ATXN7L1: variants seen among roughly 807,000 people sequenced by gnomAD.
The protein encoded by ATXN7L1 is ataxin-7-like protein 1.
A neutral mutation model predicts 70.8 loss-of-function variants in ATXN7L1; 15 were observed. The observed-to-expected ratio is 0.21, with a 90% CI of 0.14 to 0.33. ATXN7L1 has a LOEUF of 0.33. ATXN7L1 is among the 10% of genes least tolerant of loss of function. The pLI is 1.00. For missense variants in ATXN7L1, 975 were observed against 1,097.1 expected (o/e 0.89, Z 1.57); for synonymous variants, 440 against 445.1 (o/e 0.99, Z 0.14).
chr7:105,679,087 G>C, intron 3 of ATXN7L1: 9 of 986,086 alleles, frequency 9.1e-6, no homozygotes, highest in Non-Finnish European at 1.1e-5. Context: ...TTTGGATAAG[G>C]AGGCTGACAC....
At chr7:105,817,098 C>T (rs1809314328) in intron 2 of ATXN7L1, among the ~76,000 whole-genome samples, 1 of 152,180 alleles carries the variant, frequency 6.6e-6, no homozygotes, top group South Asian at 2.1e-4. Context: ...ATTTCCAAGG[C>T]CTGGGAGCAG....
At position 105,686,210 on chromosome 7, in the gene ATXN7L1, T is replaced by C. The variant is rs959051736; in HGVS notation, c.356-20922A>G. The stretch of plus-strand genomic sequence containing the variant: ...ATAAACCCATCATAAATTGAAAATA[T>C]CGTAAGTCAAAAATGCATTTAAGGG... On this transcript the variant is annotated intron_variant, in intron 3 of 11. Transcript: ENST00000419735. Among the ~76,000 whole-genome samples, 10 of 151,918 alleles carry C rather than the reference T, an allele frequency of 6.6e-5. 1 individual carries two copies. The highest frequency in any genetic ancestry group is 4.2e-4 in the South Asian group (2 of 4,812).
At chr7:105,645,924 T>G (rs780617146) in intron 4 of ATXN7L1, among the ~76,000 whole-genome samples, 3 of 151,172 alleles carry the variant, frequency 2.0e-5, no homozygotes, top group Non-Finnish European at 4.4e-5. Flanking sequence ...GGAGAATCAC[T>G]TGAACCCAGG....
intron 3 of ATXN7L1, among the ~76,000 whole-genome samples, chr7:105,787,868 G>T (rs899490736): frequency 6.6e-6 from 1 of 152,180 alleles, no homozygotes; most frequent in Non-Finnish European, 1.5e-5. Flanking sequence ...TACAGCTTTG[G>T]AAATTGTCTA....
chr7:105,656,617 C>A (rs1800686315), intron 4 of ATXN7L1, among the ~76,000 whole-genome samples: 1 of 151,560 alleles, frequency 6.6e-6, no homozygotes, highest in Admixed American at 6.6e-5. Context: ...GTCACCCACA[C>A]TGGAGTGCAG....
chr7:105,796,749 T>C (rs1483541992), intron 2 of ATXN7L1, among the ~76,000 whole-genome samples: 1 of 152,250 alleles, frequency 6.6e-6, no homozygotes, highest in African/African-American at 2.4e-5. Context: ...GAGTTTTCAG[T>C]TGCATTTTAA....
intron 3 of ATXN7L1, among the ~76,000 whole-genome samples, chr7:105,712,107 AC>A (rs1300532092): frequency 3.3e-5 from 5 of 152,210 alleles, no homozygotes; most frequent in African/African-American, 1.2e-4. Context: ...CCTGAGGTGT[AC>A]CTTGGCCCCT....
chr7:105,614,909 A>C lies in ATXN7L1; in HGVS notation c.1518-93T>G. The C allele has an allele frequency of 7.1e-7, 1 of 1,408,002 alleles. No individual in the cohort carries two copies. Among genetic ancestry groups the C allele is most frequent in the Non-Finnish European group, 9.5e-7 (1 of 1,053,156 alleles). The allele number at this position is 1,408,002 out of a possible 1,614,324, so 87.2% of individuals were successfully genotyped here. ...TGACGTTTGAGGATCAGGGCTACAG[A>C]GGACACCCCGGCAGAACCAGACTAT... On this transcript the variant is annotated intron_variant, in intron 9 of 11. Transcript: ENST00000419735. The surrounding 1 kb of genome is among the most constrained non-coding windows in gnomAD (Gnocchi z 4.3).
chr7:105,832,898 G>A (rs577161353), intron 2 of ATXN7L1, among the ~76,000 whole-genome samples: 1 of 152,266 alleles, frequency 6.6e-6, no homozygotes, highest in South Asian at 2.1e-4. Flanking sequence ...TACCTTCACA[G>A]CTGCTAACCA....
At chr7:105,731,097 TA>T (rs1490623584) in intron 3 of ATXN7L1, among the ~76,000 whole-genome samples, 1 of 152,188 alleles carries the variant, frequency 6.6e-6, no homozygotes, top group Non-Finnish European at 1.5e-5. Flanking sequence ...TGGGTCACAG[TA>T]AAAACACAGC....
intron 2 of ATXN7L1, among the ~76,000 whole-genome samples, chr7:105,818,394 G>A (rs913299930): frequency 6.6e-6 from 1 of 152,134 alleles, no homozygotes; most frequent in Admixed American, 6.5e-5. Flanking sequence ...ATCCTCATGG[G>A]ATCCTCCCAC....
At chr7:105,623,369 C>T (rs1584357307) in intron 8 of ATXN7L1, among the ~76,000 whole-genome samples, 1 of 152,326 alleles carries the variant, frequency 6.6e-6, no homozygotes, top group East Asian at 1.9e-4. Context: ...ATTCCCTCCT[C>T]AAGTGCTCGT....
intron 3 of ATXN7L1, chr7:105,678,996 C>T: frequency 2.3e-6 from 2 of 888,788 alleles, no homozygotes; most frequent in Non-Finnish European, 2.7e-6. Context: ...GTTCCGTGAC[C>T]TGCGCCCAGC....
chr7:105,616,255 T>C (rs1240103485), intron 9 of ATXN7L1, among the ~76,000 whole-genome samples: 1 of 152,182 alleles, frequency 6.6e-6, no homozygotes, highest in African/African-American at 2.4e-5. Flanking sequence ...CTTTCTCTTC[T>C]TTGGAGGCCA....
At chr7:105,655,999 A>C (rs1173801349) in intron 4 of ATXN7L1, among the ~76,000 whole-genome samples, 1 of 152,254 alleles carries the variant, frequency 6.6e-6, no homozygotes, top group Non-Finnish European at 1.5e-5. Context: ...TTTAGCATTC[A>C]ACACACACGT....
At chr7:105,633,947 G>C (rs1339339456) in intron 7 of ATXN7L1, among the ~76,000 whole-genome samples, 3 of 152,190 alleles carry the variant, frequency 2.0e-5, no homozygotes, top group Non-Finnish European at 4.4e-5. Flanking sequence ...CACACACCAG[G>C]AGGAGGGAGT....
intron 2 of ATXN7L1, among the ~76,000 whole-genome samples, chr7:105,842,448 T>A (rs1489992821): frequency 1.3e-5 from 2 of 152,244 alleles, no homozygotes; most frequent in Non-Finnish European, 2.9e-5. Context: ...ATGTTTCATA[T>A]GCATGGAATC....
chr7:105,862,544 G>T (rs1216124581), intron 2 of ATXN7L1, among the ~76,000 whole-genome samples: 1 of 152,170 alleles, frequency 6.6e-6, no homozygotes, highest in East Asian at 1.9e-4. Context: ...GAACCCACAA[G>T]CTCCAGGTCC....
Position 105,637,022 on chromosome 7 carries a change from C to T in ATXN7L1, c.1202+1331G>A, listed in dbSNP as rs186918638. Reference sequence around the variant, plus strand: ...GGTAATATCCCTAACCAACACCCCACATGACAGTGAGAAGTCATTATAAAA... The same window carrying T: ...GGTAATATCCCTAACCAACACCCCATATGACAGTGAGAAGTCATTATAAAA... On this transcript the variant is annotated intron_variant, in intron 7 of 11. Transcript: ENST00000419735. Among the ~76,000 whole-genome samples the T allele has an allele frequency of 7.9e-5, 12 of 152,336 alleles. No homozygotes were observed. The East Asian group carries it at 2.1e-3, about 27-fold the overall frequency.
Sources: gnomAD v4.1 joint callset for allele counts (sites outside exome capture counted in the v4.1 genomes callset) on GRCh38, gnomAD v4.1.1 for gene constraint, Gnocchi (gnomAD v3.1) non-coding constraint, MANE v1.5 for transcripts, NCBI Gene and HGNC (gene_info 2026-07-23, HGNC 2026-07-21) for gene names.